Variants in CRPPA observed in about 807,000 individuals in gnomAD.
The protein encoded by CRPPA is CDP-L-ribitol pyrophosphorylase A.
CRPPA carries 43 observed loss-of-function variants against 52.0 expected under a neutral mutation model. The observed-to-expected ratio is 0.83, with a 90% CI of 0.65 to 1.07. The LOEUF (loss-of-function observed/expected upper bound fraction) is 1.07. CRPPA is among the 50% of genes least tolerant of loss of function. The pLI, the probability that CRPPA is intolerant of heterozygous loss-of-function variation, is 0.00. For synonymous variants in CRPPA, 250 were observed against 203.5 expected (o/e 1.23, Z -1.94); for missense variants, 629 against 551.7 (o/e 1.14, Z -1.40).
At chr7:16,133,539 G>C in intron 9 of CRPPA, among the ~76,000 whole-genome samples, 1 of 124,372 alleles carries the variant, frequency 8.0e-6, no homozygotes, top group South Asian at 3.9e-4. Flanking sequence ...TGCTTAAAAT[G>C]CTGTGTGATG....
At chr7:16,257,640 C>A (rs1783678714) in intron 8 of CRPPA, among the ~76,000 whole-genome samples, 1 of 152,004 alleles carries the variant, frequency 6.6e-6, no homozygotes, top group African/African-American at 2.4e-5. Flanking sequence ...TAAATTCCCA[C>A]AGTATGGGAT....
At chr7:16,294,651 T>C (rs1300815908) in intron 5 of CRPPA, among the ~76,000 whole-genome samples, 1 of 151,994 alleles carries the variant, frequency 6.6e-6, no homozygotes, top group African/African-American at 2.4e-5. Context: ...AGTTATGGTG[T>C]TATTCTGAAA....
At chr7:16,385,628 C>A (rs1003856389) in intron 2 of CRPPA, among the ~76,000 whole-genome samples, 1 of 152,144 alleles carries the variant, frequency 6.6e-6, no homozygotes. Context: ...AAATGTTCAG[C>A]CTGAAGGACA....
intron 5 of CRPPA, among the ~76,000 whole-genome samples, chr7:16,293,137 C>T (rs890341683): frequency 1.3e-5 from 2 of 151,758 alleles, no homozygotes; most frequent in African/African-American, 4.8e-5. Flanking sequence ...GAAAGGCAAA[C>T]AAACACTAAG....
In CRPPA at chr7:16,090,356, T is replaced by C. The variant is rs1056729136; in HGVS notation, c.*1339A>G. ...TGTATCTTTAACTGAAAACACTTCA[T>C]GCAACTTTTATAGTTTCCACGTGCA... On this transcript the variant is annotated 3_prime_UTR_variant, in exon 10 of 10. Coordinates refer to ENST00000407010, the MANE Select transcript of CRPPA (RefSeq NM_001101426.4). The C allele has an allele frequency of 1.3e-5, 2 of 152,004 alleles. No homozygotes were observed. Among genetic ancestry groups the C allele is most frequent in the African/African-American group, 4.8e-5 (2 of 41,374 alleles). The allele number at this position is 152,004 out of a possible 1,614,324, so 9.4% of individuals were successfully genotyped here.
At chr7:16,126,561 T>A (rs1002878447) in intron 9 of CRPPA, among the ~76,000 whole-genome samples, 2 of 152,182 alleles carry the variant, frequency 1.3e-5, no homozygotes, top group African/African-American at 4.8e-5. Flanking sequence ...ATGTTCCTAA[T>A]ATAAGGTCCA....
chr7:16,400,551 G>T (rs944427826), intron 2 of CRPPA, among the ~76,000 whole-genome samples: 3 of 152,278 alleles, frequency 2.0e-5, no homozygotes, highest in East Asian at 3.9e-4. Flanking sequence ...ACGTCGACAC[G>T]ATCGACACTT....
intron 5 of CRPPA, among the ~76,000 whole-genome samples, chr7:16,279,155 T>C (rs1417821326): frequency 6.6e-6 from 1 of 152,122 alleles, no homozygotes; most frequent in Non-Finnish European, 1.5e-5. Context: ...GAATCAAAAG[T>C]ATGTTTGATT....
chr7:16,398,356 G>A (rs1024561619), intron 2 of CRPPA, among the ~76,000 whole-genome samples: 1 of 148,210 alleles, frequency 6.7e-6, no homozygotes, highest in Admixed American at 6.7e-5. Context: ...TGTGACATGT[G>A]ACAGAGGCAA....
intron 9 of CRPPA, among the ~76,000 whole-genome samples, chr7:16,113,339 T>G (rs1455043395): frequency 6.6e-6 from 1 of 151,882 alleles, no homozygotes; most frequent in Non-Finnish European, 1.5e-5. Flanking sequence ...GTAGATACAA[T>G]AAGAATGTCA....
intron 3 of CRPPA, among the ~76,000 whole-genome samples, chr7:16,353,316 T>C (rs1786207730): frequency 6.6e-6 from 1 of 152,056 alleles, no homozygotes; most frequent in African/African-American, 2.4e-5. Flanking sequence ...TGAGCCACTG[T>C]ACTCCAGCCT....
intron 2 of CRPPA, among the ~76,000 whole-genome samples, chr7:16,397,519 TG>T (rs1454899565): frequency 6.6e-6 from 1 of 151,630 alleles, no homozygotes; most frequent in East Asian, 1.9e-4. Flanking sequence ...TGTGAACATG[TG>T]ACATGATCAA....
chr7:16,212,388 C>A lies in CRPPA; in HGVS notation c.1251+3678G>T, dbSNP rs995195232. ...GAAAATGATGGGCTAAAACGATACACACTCCTTACCATGCTGCCACATTTA... is the reference window on the plus strand; with the variant it reads ...GAAAATGATGGGCTAAAACGATACAAACTCCTTACCATGCTGCCACATTTA... On this transcript the variant is annotated intron_variant, in intron 9 of 9. Transcript: ENST00000407010. Among the ~76,000 whole-genome samples, 6 of 152,166 alleles carry A rather than the reference C, an allele frequency of 3.9e-5. No homozygotes were observed. The East Asian group carries it at 1.2e-3, about 29-fold the overall frequency.
chr7:16,249,014 G>C (rs1310454169), intron 8 of CRPPA, among the ~76,000 whole-genome samples: 3 of 152,126 alleles, frequency 2.0e-5, no homozygotes, highest in Admixed American at 6.5e-5. Context: ...AGATCGACCT[G>C]GGATGCTTGA....
At chr7:16,131,178 A>G (rs1355158984) in intron 9 of CRPPA, among the ~76,000 whole-genome samples, 1 of 152,236 alleles carries the variant, frequency 6.6e-6, no homozygotes, top group African/African-American at 2.4e-5. Flanking sequence ...AAACCAAAAA[A>G]AGTGGAAGAG....
chr7:16,364,495 G>T (rs1786539065), intron 3 of CRPPA, among the ~76,000 whole-genome samples: 1 of 152,158 alleles, frequency 6.6e-6, no homozygotes, highest in Non-Finnish European at 1.5e-5. Flanking sequence ...CCACAGCAGT[G>T]CGTTGCATGC....
At chr7:16,397,609 C>T (rs1562679691) in intron 2 of CRPPA, among the ~76,000 whole-genome samples, 1 of 151,928 alleles carries the variant, frequency 6.6e-6, no homozygotes. Flanking sequence ...ACGTGTGACA[C>T]GTGACACGTG....
At chr7:16,246,167 A>G (rs1171796505) in intron 8 of CRPPA, among the ~76,000 whole-genome samples, 1 of 152,222 alleles carries the variant, frequency 6.6e-6, no homozygotes, top group Non-Finnish European at 1.5e-5. Flanking sequence ...CTAAGTTTAT[A>G]TAATATTGTA....
rs76015838 is a variant in CRPPA at position 16,089,129 on chromosome 7, T to C, written c.*2566A>G. 0.042 allele frequency: 10,297 copies of C among 246,932 alleles called. 757 individuals are homozygous for C. Among genetic ancestry groups the C allele is most frequent in the East Asian group, 0.3 (3,790 of 12,700 alleles). 15.3% of individuals were successfully genotyped at this position (246,932 alleles called of 1,614,324 possible). A position where few individuals can be genotyped will look rare whatever the true frequency, so the allele number is the denominator to read the frequency against. On this transcript the variant is annotated 3_prime_UTR_variant, in exon 10 of 10. Coordinates refer to ENST00000407010, the MANE Select transcript of CRPPA (RefSeq NM_001101426.4). ...ATAGTGAAGGATGTGCAGATATATA[T>C]ACATATAAAATACATATACATAAAA...
Sources: allele counts gnomAD v4.1 joint callset (sites outside exome capture counted in the v4.1 genomes callset), GRCh38; gene constraint gnomAD v4.1.1; transcripts MANE v1.5; gene names NCBI Gene and HGNC (gene_info 2026-07-23, HGNC 2026-07-21).